ABCB5: variants seen among roughly 807,000 people sequenced by gnomAD.
ABCB5 encodes ATP-binding cassette sub-family B member 5.
Under a neutral mutation model 144.2 loss-of-function variants are expected in ABCB5, and 155 were observed. The observed-to-expected ratio is 1.08, with a 90% CI of 0.94 to 1.23. The LOEUF is 1.23. Ranked by LOEUF, ABCB5 falls within the 50% of genes most tolerant of loss-of-function variation. The probability of loss-of-function intolerance (pLI) is 0.00; values close to 1 mark genes in which losing one functional copy is unlikely to be tolerated. For missense variants in ABCB5, 1,830 were observed against 1,520.8 expected (o/e 1.20, Z -3.38); for synonymous variants, 610 against 528.6 (o/e 1.15, Z -2.11).
intron 15 of ABCB5, among the ~76,000 whole-genome samples, 180 bp downstream of exon 15, chr7:20,681,846 T>C (rs1785840764): frequency 6.6e-6 from 1 of 152,148 alleles, no homozygotes; most frequent in Non-Finnish European, 1.5e-5. Context: ...AATAATATGA[T>C]GAAAGTTGAA....
intron 16 of ABCB5, among the ~76,000 whole-genome samples, chr7:20,686,068 G>A (rs938325130): frequency 1.2e-4 from 18 of 152,102 alleles, no homozygotes; most frequent in African/African-American, 4.1e-4. Context: ...AAAAAATCTC[G>A]TGAGACTGTT....
intron 16 of ABCB5, among the ~76,000 whole-genome samples, chr7:20,691,245 C>T (rs922563264): frequency 8.2e-6 from 1 of 122,058 alleles, no homozygotes; most frequent in Non-Finnish European, 1.6e-5. Context: ...AGTGCAATGG[C>T]GCAGTCTCGG....
At chr7:20,689,192 C>T (rs1039174947) in intron 16 of ABCB5, among the ~76,000 whole-genome samples, 1 of 152,146 alleles carries the variant, frequency 6.6e-6, no homozygotes, top group Non-Finnish European at 1.5e-5. Context: ...ATAAAAGTAG[C>T]ACCCCACTAC....
intron 16 of ABCB5, among the ~76,000 whole-genome samples, chr7:20,689,339 G>T (rs1159693724): frequency 3.3e-5 from 5 of 152,100 alleles, no homozygotes; most frequent in African/African-American, 1.2e-4. Context: ...TTGCTGGTGG[G>T]GCTTGCTGGA....
chr7:20,681,022 CTT>C (rs1379051923), intron 14 of ABCB5, among the ~76,000 whole-genome samples: 74 of 68,936 alleles, frequency 1.1e-3, no homozygotes, highest in African/African-American at 2.8e-3. Context: ...TTCTTTCTTT[CTT>C]TCTTTCTTTC....
At chr7:20,699,152 A>G (rs1290925296) in intron 17 of ABCB5, among the ~76,000 whole-genome samples, 1 of 152,228 alleles carries the variant, frequency 6.6e-6, no homozygotes, top group Non-Finnish European at 1.5e-5. Flanking sequence ...TGCAGGTACT[A>G]CTTAACTAGA....
rs577952695 is a variant in ABCB5 at position 20,645,834 on chromosome 7, A to G, written c.757A>G (p.Ile253Val). The change falls in exon 8 of 28, where the codon ATC becomes GTC. Residue 253 changes from isoleucine (I) to valine (V), a missense_variant. Transcript: ENST00000404938. ...GAVAEEVLSS[I>V]RTVIAFRAQE... is the part of the protein sequence containing the mutation. ...TGTGGCAGAAGAAGTCTTGTCATCA[A>G]TCCGAACAGTCATAGCCTTTAGGGC... 7.4e-6 allele frequency: 12 copies of G among 1,613,864 alleles called. No individual in the cohort carries two copies. The highest frequency in any genetic ancestry group is 1.7e-5 in the Admixed American group (1 of 60,010).
intron 1 of ABCB5, among the ~76,000 whole-genome samples, chr7:20,616,430 C>CTTA (rs1182088624): frequency 6.6e-6 from 1 of 152,204 alleles, no homozygotes; most frequent in Non-Finnish European, 1.5e-5. Context: ...GATGCTTGAA[C>CTTA]GTTAAGTGCA....
chr7:20,625,531 A>C (rs1783890467), intron 2 of ABCB5, among the ~76,000 whole-genome samples: 1 of 152,206 alleles, frequency 6.6e-6, no homozygotes, highest in African/African-American at 2.4e-5. Flanking sequence ...ACACTTGCTT[A>C]ATGTGTACCT....
At chr7:20,681,888 C>T (rs1785842360) in intron 15 of ABCB5, among the ~76,000 whole-genome samples, 1 of 152,162 alleles carries the variant, frequency 6.6e-6, no homozygotes, top group Admixed American at 6.5e-5. Context: ...CTAATATCTG[C>T]CAGGCACACT....
chr7:20,712,272 T>A (rs544337120), intron 20 of ABCB5, among the ~76,000 whole-genome samples: 1 of 146,664 alleles, frequency 6.8e-6, no homozygotes, highest in African/African-American at 2.5e-5. Flanking sequence ...CTGATCATAA[T>A]GTATATTTCT....
intron 13 of ABCB5, among the ~76,000 whole-genome samples, chr7:20,658,164 C>T (rs1472718097): frequency 6.6e-6 from 1 of 152,030 alleles, no homozygotes; most frequent in African/African-American, 2.4e-5. Flanking sequence ...ATTTGTATTA[C>T]AGTGGTTCTT....
intron 5 of ABCB5, among the ~76,000 whole-genome samples, chr7:20,642,490 G>A (rs1249442946): frequency 1.3e-5 from 2 of 152,032 alleles, no homozygotes; most frequent in East Asian, 3.8e-4. Context: ...TTATTCTGTG[G>A]CCTATCCCCC....
chr7:20,692,361 C>G (rs573792712), intron 16 of ABCB5, among the ~76,000 whole-genome samples: 1 of 151,738 alleles, frequency 6.6e-6, no homozygotes, highest in African/African-American at 2.4e-5. Context: ...AAAAAGAAAA[C>G]ACCTCAAATC....
chr7:20,713,801 C>A (rs1480551390), intron 20 of ABCB5, among the ~76,000 whole-genome samples: 1 of 149,546 alleles, frequency 6.7e-6, no homozygotes, highest in South Asian at 2.2e-4. Flanking sequence ...AGGCACTAAT[C>A]CCAGTCCTGA....
At chr7:20,726,105 C>A (rs576822196) in intron 21 of ABCB5, among the ~76,000 whole-genome samples, 1 of 152,202 alleles carries the variant, frequency 6.6e-6, no homozygotes, top group Non-Finnish European at 1.5e-5. Context: ...CCAAAACTCT[C>A]TTCCATTTTG....
chr7:20,710,145 C>T (rs994591420), intron 20 of ABCB5, among the ~76,000 whole-genome samples: 4 of 147,786 alleles, frequency 2.7e-5, no homozygotes, highest in African/African-American at 7.5e-5. Context: ...GAGACCGAGG[C>T]GGGTGGATCA....
At position 20,699,907 on chromosome 7, in the gene ABCB5, G is replaced by T. The variant is rs1488204182; in HGVS notation, c.2237G>T (p.Cys746Phe). The part of the protein sequence containing the change: ...SMIFVILGVI[C>F]FVSYFMQGLF... ...ATATTCGTCATTTTGGGTGTTATTT[G>T]CTTTGTCAGTTATTTCATGCAGGTA... The change falls in exon 18 of 28, where the codon TGC (cysteine) becomes TTC (phenylalanine). Residue 746 changes from cysteine (C) to phenylalanine (F), a missense_variant. Physicochemically the swap from Cys to Phe is radical, Grantham distance 205. Coordinates refer to ENST00000404938, the MANE Select transcript of ABCB5 (RefSeq NM_001163941.2). 2 of 1,612,316 alleles carry T rather than the reference G, an allele frequency of 1.2e-6. No homozygotes were observed. The highest frequency in any genetic ancestry group is 1.7e-6 in the Non-Finnish European group (2 of 1,179,112).
chr7:20,659,308 G>A, intron 14 of ABCB5: 1 of 1,425,192 alleles, frequency 7.0e-7, no homozygotes, highest in East Asian at 2.5e-5. Context: ...TCGATGGCCT[G>A]ACTCCCTTAT....
Sources: gnomAD v4.1 joint callset for allele counts (sites outside exome capture counted in the v4.1 genomes callset) on GRCh38, gnomAD v4.1.1 for gene constraint, MANE v1.5 for transcripts, NCBI Gene and HGNC (gene_info 2026-07-23, HGNC 2026-07-21) for gene names.